The following SHC1 variants were observed in gnomAD, a reference collection of about 807,000 sequenced individuals.
SHC1 encodes the protein SHC-transforming protein 1.
SHC1 carries 30 observed loss-of-function variants against 55.9 expected under a neutral mutation model. The observed-to-expected ratio is 0.54, with a 90% confidence interval of 0.40 to 0.73. The LOEUF (loss-of-function observed/expected upper bound fraction) is 0.73. Ranked by LOEUF, SHC1 falls within the 30% of genes least tolerant of loss-of-function variation. The probability of loss-of-function intolerance (pLI) is 0.00; values close to 1 mark genes in which losing one functional copy is unlikely to be tolerated. For synonymous variants in SHC1, 309 were observed against 306.1 expected, an observed-to-expected ratio of 1.01 and a Z score of -0.10; for missense variants, 675 against 777.1, an observed-to-expected ratio of 0.87 and a Z score of 1.56.
upstream of SHC1, among the ~76,000 whole-genome samples, chr1:154,973,707 A>T (rs1443262521): frequency 1.3e-5 from 2 of 152,100 alleles, no homozygotes; most frequent in African/African-American, 4.8e-5. Flanking sequence ...GGGATTGACG[A>T]CAAGGCTTTT....
At position 154,970,176 on chromosome 1, in the gene SHC1, G is replaced by A. The variant is rs200286046; in HGVS notation, c.351C>T (p.Gly117=). ...CTTCCACCCGAGTCCTGCGCCCGCCGCCTCCACTCAGCTTGTTCATGTCCT... is the reference window on the plus strand; with the variant it reads ...CTTCCACCCGAGTCCTGCGCCCGCCACCTCCACTCAGCTTGTTCATGTCCT... ...LLQDMNKLSG[G]GGRRTRVEGG... Residue 117 remains glycine, a synonymous_variant, in exon 1 of 12, where the codon GGC becomes GGT. Coordinates refer to ENST00000448116, the MANE Select transcript of SHC1 (RefSeq NM_001130040.2). The surrounding 1 kb of genome is among the most constrained non-coding windows in gnomAD (Gnocchi z 5.5). 165 of 1,613,566 alleles carry A rather than the reference G, an allele frequency of 1.0e-4. No homozygotes were observed. The highest frequency in any genetic ancestry group is 5.1e-6 in the Non-Finnish European group (6 of 1,179,916).
intron 4 of SHC1, 96 bp from the exon 5 acceptor site, chr1:154,968,353 G>C: frequency 1.3e-6 from 2 of 1,541,314 alleles, no homozygotes; most frequent in South Asian, 2.2e-5. Flanking sequence ...CATTCTCTGG[G>C]TTCCTTATCC....
chr1:154,966,448 A>G lies in SHC1; in HGVS notation c.1053T>C (p.Asn351=), dbSNP rs1274756372. The G allele has an allele frequency of 1.9e-6, 3 of 1,612,714 alleles. No homozygotes were observed. Among genetic ancestry groups the G allele is most frequent in the Middle Eastern group, 3.3e-4 (2 of 6,060 alleles). The stretch of plus-strand genomic sequence containing the variant: ...AGGGGGGTTCCTTCCCCGGGAAGTC[A>G]TTATAGTACTGATGGTCAGGTGGCT... The part of the protein sequence containing the change: ...EEEPPDHQYY[N]DFPGKEPPLG... Residue 351 remains asparagine (N), a synonymous_variant, in exon 8 of 12, where the codon AAT becomes AAC. Coordinates refer to ENST00000448116, the MANE Select transcript of SHC1 (RefSeq NM_001130040.2).
At chr1:154,972,589 C>A (rs1444992546), upstream of SHC1, among the ~76,000 whole-genome samples, 1 of 152,166 alleles carries the variant, frequency 6.6e-6, no homozygotes, top group East Asian at 1.9e-4. Flanking sequence ...TCTGTGGGAG[C>A]CTACAGTATC....
intron 2 of SHC1, 79 bp downstream of exon 2, chr1:154,969,299 A>G (rs1230283760): frequency 1.0e-6 from 1 of 955,514 alleles, no homozygotes. Context: ...AGCAGCACCC[A>G]AGTGACCCAC....
upstream of SHC1, among the ~76,000 whole-genome samples, chr1:154,972,333 A>G (rs1384500736): frequency 6.6e-6 from 1 of 152,190 alleles, no homozygotes; most frequent in East Asian, 1.9e-4. Flanking sequence ...ATAGATAATT[A>G]TCCTGATTAA....
chr1:154,968,881 C>G (rs1396590776), intron 2 of SHC1, 47 bp from the exon 3 acceptor site: 2 of 1,557,094 alleles, frequency 1.3e-6, no homozygotes, highest in East Asian at 4.5e-5. Context: ...TGCCTGCCTC[C>G]CACTCAACTG....
chr1:154,968,964 G>A (rs1558059531), intron 2 of SHC1, 130 bp from the exon 3 acceptor site: 3 of 802,396 alleles, frequency 3.7e-6, no homozygotes, highest in Non-Finnish European at 6.5e-6. Context: ...TTGTCATGGT[G>A]GATTGAATTA....
intron 7 of SHC1, 148 bp from the exon 8 acceptor site, chr1:154,966,665 C>T: frequency 1.8e-6 from 1 of 562,174 alleles, no homozygotes; most frequent in African/African-American, 1.9e-5. Flanking sequence ...ATTTCATTCT[C>T]CTGGCAACCC....
At chr1:154,970,759 G>C (rs1656663635), upstream of SHC1, 5 of 456,934 alleles carry the variant, frequency 1.1e-5, no homozygotes, top group South Asian at 3.3e-5. This position sits in a 1 kb window ranked among gnomAD's most constrained non-coding sequence, Gnocchi z 5.5. Flanking sequence ...GCTGAGAAGA[G>C]AACAGGCTGG....
upstream of SHC1, among the ~76,000 whole-genome samples, chr1:154,972,782 A>C (rs1252030681): frequency 4.6e-5 from 7 of 152,186 alleles, no homozygotes; most frequent in Admixed American, 1.3e-4. Context: ...GGGAAGTGGC[A>C]GGAAATGGCG....
upstream of SHC1, among the ~76,000 whole-genome samples, chr1:154,973,844 T>C (rs1352782364): frequency 6.6e-6 from 1 of 152,114 alleles, no homozygotes; most frequent in Non-Finnish European, 1.5e-5. Context: ...GGAGGGGGCG[T>C]GGCTTCGGAG....
Position 154,966,088 on chromosome 1 carries a change from A to G in SHC1, c.1253-8T>C. On this transcript the variant is annotated splice_polypyrimidine_tract_variant and splice_region_variant and intron_variant, in intron 9 of 11. Transcript: ENST00000448116. ...CAAAAAGCTCTCTGCCTGCTGAGGA[A>G]AGGGAGGCTCTACAGTGATCCCAGC... 1.9e-6 allele frequency: 3 copies of G among 1,613,950 alleles called. No homozygotes were observed. Among genetic ancestry groups the G allele is most frequent in the Non-Finnish European group, 2.5e-6 (3 of 1,179,918 alleles).
rs767112800 is a variant in SHC1, at chr1:154,966,148, G to A, written c.1252+14C>T. ...AACACTCCCCAGCTCTGCCTATCTC[G>A]GCTCCCTTCATACCTGGACAGGGTG... On this transcript the variant is annotated intron_variant, in intron 9 of 11. Coordinates refer to ENST00000448116, the MANE Select transcript of SHC1 (RefSeq NM_001130040.2). The A allele has an allele frequency of 3.5e-5, 57 of 1,613,988 alleles. No individual in the cohort carries two copies. The highest frequency in any genetic ancestry group is 3.3e-4 in the Middle Eastern group (2 of 6,084).
chr1:154,968,687 CTCTCCCCACA>C, intron 3 of SHC1, 73 bp from the exon 4 acceptor site: 33 of 1,610,926 alleles, frequency 2.0e-5, no homozygotes, highest in Non-Finnish European at 2.6e-5. Context: ...CCTCCTGGCC[CTCTCCCCACA>C]TGCCCCACAC....
At chr1:154,967,542 G>T in intron 7 of SHC1, 129 bp downstream of exon 7, 1 of 974,176 alleles carries the variant, frequency 1.0e-6, no homozygotes, top group Non-Finnish European at 1.5e-6. Flanking sequence ...CAGAAGAATA[G>T]CAGGAAGTGG....
Position 154,970,049 on chromosome 1 carries a change from C to G in SHC1, c.478G>C (p.Val160Leu). ...TCACTCACCCGAACCAAGTAGGAAA[C>G]CCCGGGTCCCATGACTTTGTCGTTG... ...HPNDKVMGPG[V>L]SYLVRYMGCV... The change falls in exon 1 of 12, where the codon GTT (valine) becomes CTT (leucine). Residue 160 changes from valine (V) to leucine (L), a missense_variant. This residue lies in a region of SHC1 where 159 missense variants were observed against 246.9 expected (regional missense o/e 0.64). Transcript: ENST00000448116. The surrounding 1 kb of genome is among the most constrained non-coding windows in gnomAD (Gnocchi z 5.5). 1 of 1,613,970 alleles carries G rather than the reference C, an allele frequency of 6.2e-7. No individual in the cohort carries two copies. Among genetic ancestry groups the G allele is most frequent in the Non-Finnish European group, 8.5e-7 (1 of 1,179,978 alleles).
rs769343350 is a variant in SHC1 at position 154,967,692 on chromosome 1, T to G, written c.962A>C (p.Lys321Thr). The change falls in exon 7 of 12, where the codon AAA becomes ACA. Residue 321 changes from lysine to threonine, a missense_variant. By Grantham distance (78) the Lys-to-Thr change is moderately conservative. This residue lies in a region of SHC1 where 360 missense variants were observed against 371.1 expected (regional missense o/e 0.97). Transcript: ENST00000448116. ...RFKQYLRNPPKLVTPHDRMAG... is the reference protein window; with the variant it reads ...RFKQYLRNPPTLVTPHDRMAG... Reference sequence around the variant, plus strand: ...TCACCTGTCATGAGGGGTGACCAGTTTGGGTGGGTTCCTGAGGTATTGTTT... The same window carrying G: ...TCACCTGTCATGAGGGGTGACCAGTGTGGGTGGGTTCCTGAGGTATTGTTT... 6.2e-7 allele frequency: 1 copy of G among 1,613,990 alleles called. No homozygotes were observed. The highest frequency in any genetic ancestry group is 1.1e-5 in the South Asian group (1 of 91,074).
At chr1:154,966,885 T>C (rs1558055443) in intron 7 of SHC1, among the ~76,000 whole-genome samples, 1 of 152,184 alleles carries the variant, frequency 6.6e-6, no homozygotes, top group Non-Finnish European at 1.5e-5. Context: ...GGAGGGTTGT[T>C]TGAGCCTAGG....
Sources: gnomAD v4.1 joint callset for allele counts (sites outside exome capture counted in the v4.1 genomes callset) on GRCh38, gnomAD v4.1.1 for gene constraint, gnomAD v4.1.1 regional missense constraint, Gnocchi (gnomAD v3.1) non-coding constraint, MANE v1.5 for transcripts, NCBI Gene and HGNC (gene_info 2026-07-23, HGNC 2026-07-21) for gene names.